Variants in SEMA5A observed in about 807,000 individuals in gnomAD.
SEMA5A encodes the protein semaphorin-5A.
Under a neutral mutation model 135.5 loss-of-function variants are expected in SEMA5A, and 55 were observed. The observed-to-expected ratio is 0.41, with a 90% CI of 0.33 to 0.51. SEMA5A has a LOEUF of 0.51. SEMA5A is among the 20% of genes least tolerant of loss of function. SEMA5A has a pLI of 0.37. For missense variants in SEMA5A, 1,290 were observed against 1,419.9 expected, an observed-to-expected ratio of 0.91 and a Z score of 1.47; for synonymous variants, 580 against 546.5, an observed-to-expected ratio of 1.06 and a Z score of -0.85.
intron 13 of SEMA5A, among the ~76,000 whole-genome samples, chr5:9,135,257 T>C (rs918531141): frequency 1.3e-5 from 2 of 149,470 alleles, no homozygotes; most frequent in African/African-American, 4.9e-5. Context: ...CTCGGCTCAC[T>C]GCAAGCTCTG....
chr5:9,391,165 G>A (rs985482839), intron 2 of SEMA5A, among the ~76,000 whole-genome samples: 1 of 152,184 alleles, frequency 6.6e-6, no homozygotes, highest in African/African-American at 2.4e-5. Context: ...GCCTGAAAAT[G>A]TGTTTTCTTA....
chr5:9,544,788 C>A (rs1478789236), intron 1 of SEMA5A, among the ~76,000 whole-genome samples: 5 of 152,194 alleles, frequency 3.3e-5, no homozygotes, highest in Admixed American at 3.3e-4. Flanking sequence ...GGGATGTGAC[C>A]GCTCCAAGCC....
chr5:9,427,949 C>CTATCTGTTTCTATATCTATT lies in SEMA5A; in HGVS notation c.-78+9787_-78+9806dup, dbSNP rs1410056697. ...GTTTCATCCAATTATAAGGCTTTCT[C>CTATCTGTTTCTATATCTATT]TATCTGTTTCTATATCTATTTATCT... On this transcript the variant is annotated intron_variant, in intron 2 of 22. Coordinates refer to ENST00000382496, the MANE Select transcript of SEMA5A (RefSeq NM_003966.3). Among the ~76,000 whole-genome samples the CTATCTGTTTCTATATCTATT allele has an allele frequency of 3.9e-5, 6 of 152,126 alleles. No individual in the cohort carries two copies. The South Asian group carries it at 8.3e-4, about 21-fold the overall frequency.
intron 5 of SEMA5A, among the ~76,000 whole-genome samples, chr5:9,293,459 C>T (rs1394347150): frequency 6.6e-6 from 1 of 152,190 alleles, no homozygotes; most frequent in African/African-American, 2.4e-5. Flanking sequence ...CACCAAGGGA[C>T]ACAAACTTGA....
In SEMA5A at chr5:9,318,166, A is replaced by T. The variant is rs776916721; in HGVS notation, c.270+206T>A. ...TCCACGGAACAAACAGGGCCACCTGACAGGAGGAAAAGGCTAATCAGGAAT... is the reference window on the plus strand; with the variant it reads ...TCCACGGAACAAACAGGGCCACCTGTCAGGAGGAAAAGGCTAATCAGGAAT... On this transcript the variant is annotated intron_variant, in intron 5 of 22. Transcript: ENST00000382496. Among the ~76,000 whole-genome samples the T allele has an allele frequency of 5.9e-5, 9 of 152,310 alleles. No individual in the cohort carries two copies. The South Asian group carries it at 8.3e-4, about 14-fold the overall frequency.
intron 1 of SEMA5A, among the ~76,000 whole-genome samples, chr5:9,543,759 C>CAAGA (rs1483252028): frequency 6.9e-6 from 1 of 145,608 alleles, no homozygotes; most frequent in African/African-American, 2.6e-5. Context: ...AAAGTTTTTA[C>CAAGA]AAGAAAGAAA....
intron 2 of SEMA5A, among the ~76,000 whole-genome samples, chr5:9,424,279 A>G (rs941421977): frequency 2.6e-5 from 4 of 152,248 alleles, no homozygotes; most frequent in Non-Finnish European, 2.9e-5. Context: ...ACGATACAAC[A>G]GTGGAGAATT....
At chr5:9,448,855 G>A (rs1487447594) in intron 1 of SEMA5A, among the ~76,000 whole-genome samples, 1 of 152,090 alleles carries the variant, frequency 6.6e-6, no homozygotes, top group Non-Finnish European at 1.5e-5. Flanking sequence ...ACCCTCCATT[G>A]TTTACTTCTC....
At chr5:9,484,612 C>T (rs1760006158) in intron 1 of SEMA5A, among the ~76,000 whole-genome samples, 2 of 152,128 alleles carry the variant, frequency 1.3e-5, no homozygotes, top group Admixed American at 6.5e-5. Flanking sequence ...CATTATATAT[C>T]GGTTTATTAA....
intron 14 of SEMA5A, among the ~76,000 whole-genome samples, chr5:9,119,885 T>C (rs1370238161): frequency 6.6e-6 from 1 of 152,102 alleles, no homozygotes; most frequent in Non-Finnish European, 1.5e-5. Context: ...TTATTACACA[T>C]ACAGAGTAAT....
chr5:9,471,616 G>T (rs985269844), intron 1 of SEMA5A, among the ~76,000 whole-genome samples: 1 of 152,182 alleles, frequency 6.6e-6, no homozygotes, highest in African/African-American at 2.4e-5. Flanking sequence ...AAACTGGTTT[G>T]TTAGAAACAG....
At chr5:9,121,924 T>G (rs1255018921) in intron 14 of SEMA5A, among the ~76,000 whole-genome samples, 1 of 151,630 alleles carries the variant, frequency 6.6e-6, no homozygotes, top group Non-Finnish European at 1.5e-5. Context: ...TCCCAGAGAC[T>G]TTTTTTTTCA....
chr5:9,526,665 T>G (rs971240327), intron 1 of SEMA5A, among the ~76,000 whole-genome samples: 1 of 152,194 alleles, frequency 6.6e-6, no homozygotes, highest in Non-Finnish European at 1.5e-5. Flanking sequence ...CCGGAGCAGC[T>G]TGGCTTCAGC....
At chr5:9,311,363 G>A (rs922002329) in intron 5 of SEMA5A, among the ~76,000 whole-genome samples, 5 of 151,946 alleles carry the variant, frequency 3.3e-5, no homozygotes, top group African/African-American at 1.2e-4. Context: ...CAGATATACA[G>A]GAAAGAAGTT....
intron 5 of SEMA5A, among the ~76,000 whole-genome samples, chr5:9,294,680 C>T (rs1579295816): frequency 6.6e-6 from 1 of 152,298 alleles, no homozygotes; most frequent in East Asian, 1.9e-4. Context: ...GACTTCTAAA[C>T]ACTTCCCCCA....
rs142814928 is a variant in SEMA5A at position 9,349,851 on chromosome 5, G to A, written c.125-12039C>T. On this transcript the variant is annotated intron_variant, in intron 3 of 22. Coordinates refer to ENST00000382496, the MANE Select transcript of SEMA5A (RefSeq NM_003966.3). ...CAGGAGGCAGAGGTTGCAGTGTGCC[G>A]AGATTGCGCCACTGCACTCCAGCCC... Among the ~76,000 whole-genome samples, 528 of 152,058 alleles carry A rather than the reference G, an allele frequency of 3.5e-3. 3 individuals carry two copies. Among genetic ancestry groups the A allele is most frequent in the African/African-American group, 0.012 (509 of 41,466 alleles).
At chr5:9,311,194 G>C (rs962828939) in intron 5 of SEMA5A, among the ~76,000 whole-genome samples, 2 of 151,740 alleles carry the variant, frequency 1.3e-5, no homozygotes, top group Non-Finnish European at 2.9e-5. Context: ...ACCACCCCTG[G>C]TCTCTACACG....
At chr5:9,287,165 T>C (rs1207777037) in intron 5 of SEMA5A, among the ~76,000 whole-genome samples, 1 of 152,210 alleles carries the variant, frequency 6.6e-6, no homozygotes, top group Non-Finnish European at 1.5e-5. Context: ...CACAAGTACA[T>C]GCACACATGT....
intron 18 of SEMA5A, 47 bp from the exon 19 acceptor site, chr5:9,054,304 C>A (rs764520129): frequency 5.7e-6 from 9 of 1,573,636 alleles, no homozygotes; most frequent in Non-Finnish European, 7.8e-6. Flanking sequence ...CCAATCCCAA[C>A]CAAGTGAAAG....
Sources: gnomAD v4.1 joint callset for allele counts (sites outside exome capture counted in the v4.1 genomes callset) on GRCh38, gnomAD v4.1.1 for gene constraint, MANE v1.5 for transcripts, NCBI Gene and HGNC (gene_info 2026-07-23, HGNC 2026-07-21) for gene names.